Variants in RALYL observed in about 807,000 individuals in gnomAD.
The protein encoded by RALYL is RNA-binding Raly-like protein.
A neutral mutation model predicts 35.1 loss-of-function variants in RALYL; 29 were observed. The ratio of observed to expected loss-of-function variants is 0.83; its 90% CI spans 0.61 to 1.13. The LOEUF is 1.13. Ranked by LOEUF, RALYL falls within the 50% of genes most tolerant of loss-of-function variation. RALYL has a pLI of 0.00. For missense variants in RALYL, 359 were observed against 360.4 expected, an observed-to-expected ratio of 1.00 and a Z score of 0.03; for synonymous variants, 120 against 127.6, an observed-to-expected ratio of 0.94 and a Z score of 0.40.
intron 1 of RALYL, among the ~76,000 whole-genome samples, chr8:84,365,850 C>T (rs934663020): frequency 6.6e-6 from 1 of 152,158 alleles, no homozygotes; most frequent in African/African-American, 2.4e-5. Flanking sequence ...GGTTAAGAAC[C>T]TAAAGCATCT....
At chr8:84,551,450 A>T (rs1029568291) in intron 2 of RALYL, among the ~76,000 whole-genome samples, 11 of 152,116 alleles carry the variant, frequency 7.2e-5, no homozygotes, top group Admixed American at 3.9e-4. Flanking sequence ...CTAGATGAAG[A>T]TGGTATAAAT....
At chr8:84,791,727 A>C (rs147623380) in intron 3 of RALYL, among the ~76,000 whole-genome samples, 7 of 152,334 alleles carry the variant, frequency 4.6e-5, no homozygotes, top group African/African-American at 1.7e-4. Context: ...TGGACTGTGA[A>C]AGAAAGAATG....
At chr8:84,567,937 T>C (rs2061899657) in intron 2 of RALYL, among the ~76,000 whole-genome samples, 1 of 151,776 alleles carries the variant, frequency 6.6e-6, no homozygotes, top group Non-Finnish European at 1.5e-5. Context: ...ATGGTTTTAA[T>C]TTGTCTCTCT....
At chr8:84,779,372 T>C (rs1422443883) in intron 3 of RALYL, among the ~76,000 whole-genome samples, 1 of 152,232 alleles carries the variant, frequency 6.6e-6, no homozygotes, top group Admixed American at 6.5e-5. Context: ...ACACTATTTA[T>C]AAGAGATGAA....
intron 8 of RALYL, among the ~76,000 whole-genome samples, chr8:84,899,443 T>C (rs1845301970): frequency 6.6e-6 from 1 of 152,166 alleles, no homozygotes; most frequent in South Asian, 2.1e-4. Context: ...GAGAGGAAAA[T>C]GTCCTCAGAC....
At chr8:84,650,595 G>T (rs1346992837) in intron 2 of RALYL, among the ~76,000 whole-genome samples, 1 of 152,064 alleles carries the variant, frequency 6.6e-6, no homozygotes, top group Non-Finnish European at 1.5e-5. Context: ...AGGATGTGGA[G>T]AAATAGGAGC....
At position 84,782,764 on chromosome 8, in the gene RALYL, C is replaced by A. The variant is rs543759779; in HGVS notation, c.332+8110C>A. Among the ~76,000 whole-genome samples the A allele has an allele frequency of 3.9e-5, 6 of 152,288 alleles. No individual in the cohort carries two copies. In the South Asian group the frequency reaches 1.0e-3, roughly 26 times the overall value. ...GTGCATCTCATATGCTAGGTCATTG[C>A]GCAAGTGCTCCCTGCCTGGGATGAA... On this transcript the variant is annotated intron_variant, in intron 3 of 8. Transcript: ENST00000521268.
chr8:84,631,603 G>GT (rs146461566), intron 2 of RALYL, among the ~76,000 whole-genome samples: 12,405 of 148,654 alleles, frequency 0.083, 1,118 homozygotes, highest in African/African-American at 0.23. Flanking sequence ...CAAAAAGACA[G>GT]TTTTTTTTTT....
intron 3 of RALYL, among the ~76,000 whole-genome samples, chr8:84,788,042 G>T (rs2634050): frequency 0.27 from 41,617 of 151,984 alleles, 6,140 homozygotes; most frequent in African/African-American, 0.36. Flanking sequence ...ATTTGTTAAT[G>T]TTGGCTTTTG....
intron 1 of RALYL, among the ~76,000 whole-genome samples, chr8:84,247,229 G>C (rs1284862873): frequency 6.6e-6 from 1 of 152,162 alleles, no homozygotes; most frequent in Admixed American, 6.6e-5. Context: ...ATTCCTATTA[G>C]AGGAGCAAAT....
At position 84,184,155 on chromosome 8, in the gene RALYL, G is replaced by C. The variant is rs1290667265; in HGVS notation, c.-293G>C. ...AACTTTTCTTACAGCTGGTGATTGG[G>C]ATCATTTTTAAGCAAAATACTTTTT... On this transcript the variant is annotated 5_prime_UTR_variant, in exon 1 of 9. Coordinates refer to ENST00000521268, the MANE Select transcript of RALYL (RefSeq NM_173848.7). 6.6e-6 allele frequency: 1 copy of C among 151,892 alleles called. No homozygotes were observed. Among genetic ancestry groups the C allele is most frequent in the Non-Finnish European group, 1.5e-5 (1 of 67,994 alleles). 9.4% of individuals were successfully genotyped at this position (151,892 alleles called of 1,614,324 possible).
intron 2 of RALYL, among the ~76,000 whole-genome samples, chr8:84,622,203 A>C (rs894851927): frequency 6.6e-6 from 1 of 152,194 alleles, no homozygotes; most frequent in Non-Finnish European, 1.5e-5. Context: ...GTTTGATGCC[A>C]CAAAGAAAAA....
chr8:84,651,708 A>G (rs1308250081), intron 2 of RALYL, among the ~76,000 whole-genome samples: 2 of 152,216 alleles, frequency 1.3e-5, no homozygotes, highest in South Asian at 2.1e-4. Context: ...AACGTGTTAT[A>G]TGAAAAAAAC....
At chr8:84,846,857 G>C (rs1218753968) in intron 4 of RALYL, among the ~76,000 whole-genome samples, 2 of 152,154 alleles carry the variant, frequency 1.3e-5, no homozygotes, top group Admixed American at 6.5e-5. Context: ...TGATTGTAAT[G>C]TTATCTGTGT....
chr8:84,235,154 A>T (rs1280462660), intron 1 of RALYL, among the ~76,000 whole-genome samples: 6 of 152,200 alleles, frequency 3.9e-5, no homozygotes, highest in African/African-American at 1.4e-4. Context: ...GACAATTGTT[A>T]TTCAAAGTTT....
At chr8:84,489,877 T>A (rs2055069696) in intron 1 of RALYL, among the ~76,000 whole-genome samples, 1 of 152,136 alleles carries the variant, frequency 6.6e-6, no homozygotes, top group South Asian at 2.1e-4. Flanking sequence ...TTGGAATAAC[T>A]AGAATTCATA....
At chr8:84,480,398 G>A (rs1378868483) in intron 1 of RALYL, among the ~76,000 whole-genome samples, 3 of 152,074 alleles carry the variant, frequency 2.0e-5, no homozygotes, top group African/African-American at 7.2e-5. Flanking sequence ...AAATAAAAAT[G>A]CTTACTTTAA....
chr8:84,225,550 A>G (rs1408143539), intron 1 of RALYL, among the ~76,000 whole-genome samples: 1 of 152,194 alleles, frequency 6.6e-6, no homozygotes. Flanking sequence ...TTTCAAAAAA[A>G]GCTTTATTTG....
chr8:84,549,278 T>A (rs1301923890), intron 2 of RALYL, among the ~76,000 whole-genome samples: 1 of 152,204 alleles, frequency 6.6e-6, no homozygotes, highest in Admixed American at 6.5e-5. Context: ...GTCAACCCTT[T>A]AATCACTTAC....
Sources: gnomAD v4.1 joint callset for allele counts (sites outside exome capture counted in the v4.1 genomes callset) on GRCh38, gnomAD v4.1.1 for gene constraint, MANE v1.5 for transcripts, NCBI Gene and HGNC (gene_info 2026-07-23, HGNC 2026-07-21) for gene names.